The following CDH8 variants were observed in gnomAD, a reference collection of about 807,000 sequenced individuals.
CDH8 encodes cadherin 8, also known as cadherin-8.
In CDH8, 17 loss-of-function variants were observed where a neutral mutation model predicts 68.1. That is an observed-to-expected ratio of 0.25 (90% CI 0.17 to 0.37). CDH8 has a LOEUF of 0.37. Among genes scored for constraint, CDH8 ranks in the 10% least tolerant of loss-of-function variants. The probability of loss-of-function intolerance (pLI) is 1.00; values close to 1 mark genes in which losing one functional copy is unlikely to be tolerated. For synonymous variants in CDH8, 372 were observed against 365.1 expected (o/e 1.02, Z -0.21); for missense variants, 763 against 999.3 (o/e 0.76, Z 3.19).
chr16:61,666,178 C>CTGTGCGTG (rs1963673114), intron 10 of CDH8, among the ~76,000 whole-genome samples: 1 of 144,098 alleles, frequency 6.9e-6, no homozygotes, highest in African/African-American at 2.6e-5. Context: ...AGCACATACT[C>CTGTGCGTG]TGTGTGTGTG....
intron 10 of CDH8, 152 bp from the exon 11 acceptor site, chr16:61,655,873 C>CTTT (rs35413525): frequency 0.015 from 7,897 of 529,056 alleles, 94 homozygotes; most frequent in African/African-American, 0.057. Flanking sequence ...CGTCTCCGCA[C>CTTT]TTTTTTTTTT....
chr16:61,980,620 C>A (rs1391023855), intron 2 of CDH8, among the ~76,000 whole-genome samples: 1 of 152,128 alleles, frequency 6.6e-6, no homozygotes, highest in African/African-American at 2.4e-5. Flanking sequence ...TGTTGGAATG[C>A]AACCACACCC....
At position 61,652,354 on chromosome 16, in the gene CDH8, T is replaced by A. The variant is rs1963340224; in HGVS notation, c.*1254A>T. ...GTGGGGGTAAATTGAAGCATGTTTATTGGGCAGGGCATGATGTAGGTATCT... is the reference window on the plus strand; with the variant it reads ...GTGGGGGTAAATTGAAGCATGTTTAATGGGCAGGGCATGATGTAGGTATCT... On this transcript the variant is annotated 3_prime_UTR_variant, in exon 12 of 12. Transcript: ENST00000577390. The A allele has an allele frequency of 1.0e-6, 1 of 984,560 alleles. No individual in the cohort carries two copies. The highest frequency in any genetic ancestry group is 1.2e-6 in the Non-Finnish European group (1 of 829,296). 61.0% of individuals were successfully genotyped at this position (984,560 alleles called of 1,614,324 possible). A position where few individuals can be genotyped will look rare whatever the true frequency, so the allele number is the denominator to read the frequency against.
chr16:61,781,948 C>A (rs979186163), intron 8 of CDH8, among the ~76,000 whole-genome samples: 2 of 152,160 alleles, frequency 1.3e-5, no homozygotes, highest in Admixed American at 1.3e-4. Context: ...ACTCCTAAGG[C>A]AGGGGAAACA....
rs1319281860 is a variant in CDH8 at position 61,901,354 on chromosome 16, A to C, written c.372T>G (p.Leu124=). The C allele has an allele frequency of 8.7e-6, 14 of 1,613,860 alleles. No homozygotes were observed. Among genetic ancestry groups the C allele is most frequent in the Non-Finnish European group, 1.2e-5 (14 of 1,179,946 alleles). Residue 124 remains leucine (L), a synonymous_variant, in exon 3 of 12, where the codon CTT becomes CTG. Transcript: ENST00000577390. ...TATACTCAGCCTTTTCCTCCCGGTC[A>C]AGTCTTTTTATAGCATGGATATCTC... The part of the protein sequence containing the change: ...VTGDIHAIKR[L]DREEKAEYTL...
intron 8 of CDH8, among the ~76,000 whole-genome samples, chr16:61,744,382 C>T (rs1209115667): frequency 6.6e-6 from 1 of 151,908 alleles, no homozygotes; most frequent in East Asian, 1.9e-4. Flanking sequence ...TTTCTTTCTC[C>T]TTAGTTTACA....
chr16:61,933,649 G>A (rs1422654027), intron 2 of CDH8, among the ~76,000 whole-genome samples: 1 of 152,034 alleles, frequency 6.6e-6, no homozygotes, highest in Non-Finnish European at 1.5e-5. Flanking sequence ...ATATTTATTG[G>A]GATAAATTAT....
At chr16:61,822,120 CT>C (rs989456244) in intron 5 of CDH8, among the ~76,000 whole-genome samples, 1 of 136,548 alleles carries the variant, frequency 7.3e-6, no homozygotes. Context: ...TTTTTCTTTT[CT>C]TTTCCTTCTT....
At chr16:61,800,279 C>A (rs936287821) in intron 7 of CDH8, among the ~76,000 whole-genome samples, 2 of 152,180 alleles carry the variant, frequency 1.3e-5, no homozygotes, top group African/African-American at 4.8e-5. Context: ...ATGCTCATTC[C>A]TAAACGCAAT....
chr16:62,019,018 G>A (rs937948936), intron 2 of CDH8, among the ~76,000 whole-genome samples: 2 of 152,110 alleles, frequency 1.3e-5, no homozygotes, highest in African/African-American at 4.8e-5. Context: ...GTTCTCCCAG[G>A]CATAGCATGT....
intron 4 of CDH8, among the ~76,000 whole-genome samples, chr16:61,851,280 C>T (rs1962932260): frequency 6.6e-6 from 1 of 151,872 alleles, no homozygotes; most frequent in Admixed American, 6.6e-5. Flanking sequence ...TTTTACTTAG[C>T]TCATTTTTAC....
At chr16:61,917,623 G>A (rs1964265119) in intron 2 of CDH8, among the ~76,000 whole-genome samples, 1 of 152,160 alleles carries the variant, frequency 6.6e-6, no homozygotes, top group South Asian at 2.1e-4. Context: ...CTATCTGTAA[G>A]TAACAAATCC....
At position 61,813,584 on chromosome 16, in the gene CDH8, G is replaced by T. The variant is rs537321418; in HGVS notation, c.1277+3895C>A. 2.6e-5 allele frequency among the ~76,000 whole-genome samples: 4 copies of T among 152,322 alleles called. No individual in the cohort carries two copies. In the South Asian group the frequency reaches 6.2e-4, roughly 24 times the overall value. On this transcript the variant is annotated intron_variant, in intron 7 of 11. Coordinates refer to ENST00000577390, the MANE Select transcript of CDH8 (RefSeq NM_001796.5). ...AACAGGGTGGAGCCACGGGCAGGGG[G>T]AGAAGCCTGGTCTCCAGTTCCGTGT... is the stretch of plus-strand genomic sequence containing the variant.
At chr16:61,966,776 C>G (rs918460171) in intron 2 of CDH8, among the ~76,000 whole-genome samples, 1 of 152,164 alleles carries the variant, frequency 6.6e-6, no homozygotes, top group Non-Finnish European at 1.5e-5. Context: ...AATTTTAGCA[C>G]TTAAGTAGAG....
chr16:61,973,162 G>A (rs1022421766), intron 2 of CDH8, among the ~76,000 whole-genome samples: 6 of 151,998 alleles, frequency 3.9e-5, no homozygotes, highest in Non-Finnish European at 2.9e-5. Flanking sequence ...TTCTGACTCT[G>A]CCACCCACAA....
At chr16:61,834,173 G>T (rs1223513021) in intron 4 of CDH8, among the ~76,000 whole-genome samples, 1 of 151,926 alleles carries the variant, frequency 6.6e-6, no homozygotes, top group Non-Finnish European at 1.5e-5. Flanking sequence ...CCTGGAGCAT[G>T]CAACCACTTG....
chr16:61,859,404 T>G (rs1963109630), intron 3 of CDH8, among the ~76,000 whole-genome samples: 1 of 152,148 alleles, frequency 6.6e-6, no homozygotes, highest in African/African-American at 2.4e-5. Flanking sequence ...AAGCTAAGCC[T>G]GGACATGAAA....
At chr16:61,665,636 G>A (rs1017713473) in intron 10 of CDH8, among the ~76,000 whole-genome samples, 6 of 151,676 alleles carry the variant, frequency 4.0e-5, no homozygotes, top group African/African-American at 1.5e-4. Flanking sequence ...AAACCTGAAC[G>A]TTCTTCACAT....
chr16:62,017,853 C>A (rs563097919), intron 2 of CDH8, among the ~76,000 whole-genome samples: 8 of 152,078 alleles, frequency 5.3e-5, no homozygotes, highest in Admixed American at 2.6e-4. Context: ...CCCACACCCC[C>A]GGGCCAGTGA....
Sources: gnomAD v4.1 joint callset for allele counts (sites outside exome capture counted in the v4.1 genomes callset) on GRCh38, gnomAD v4.1.1 for gene constraint, MANE v1.5 for transcripts, NCBI Gene and HGNC (gene_info 2026-07-23, HGNC 2026-07-21) for gene names.